The following STS variants were observed in gnomAD, a reference collection of about 807,000 sequenced individuals.
STS encodes steroid sulfatase, also known as steryl-sulfatase.
A neutral mutation model predicts 26.8 loss-of-function variants in STS; 7 were observed. The observed-to-expected ratio is 0.26, with a 90% CI of 0.15 to 0.49. The LOEUF (loss-of-function observed/expected upper bound fraction) is 0.49. Ranked by LOEUF, STS falls within the 20% of genes least tolerant of loss-of-function variation. The probability of loss-of-function intolerance (pLI) is 0.98; values close to 1 mark genes in which losing one functional copy is unlikely to be tolerated. For synonymous variants in STS, 199 were observed against 189.4 expected (o/e 1.05, Z -0.42); for missense variants, 434 against 465.6 (o/e 0.93, Z 0.63).
intron 8 of STS, 28 bp from the exon 9 acceptor site, chrX:7,325,311 G>T (rs368398768): frequency 2.5e-5 from 30 of 1,206,472 alleles, no homozygotes; most frequent in Admixed American, 6.6e-5. Flanking sequence ...TCTCCCTGTT[G>T]CCTCTTACCT....
At chrX:7,237,213 C>A (rs865881419) in intron 2 of STS, among the ~76,000 whole-genome samples, 157 of 77,838 alleles carry the variant, frequency 2.0e-3, no homozygotes, top group Non-Finnish European at 2.4e-3. Flanking sequence ...AAGATTTGCT[C>A]AAAAAAAAAA....
At position 7,257,438 on chromosome X, in the gene STS, C is replaced by G. The variant is rs767155556; in HGVS notation, c.260-28C>G. The G allele has an allele frequency of 2.1e-5, 25 of 1,210,928 alleles. No individual in the cohort carries two copies. The South Asian group carries it at 4.2e-4, about 20-fold the overall frequency. On this transcript the variant is annotated intron_variant, in intron 4 of 10. Coordinates refer to ENST00000674429, the MANE Select transcript of STS (RefSeq NM_001320752.2). ...TCCCACCTCGAGGTATCTCCTGGTTCCTAAGGGTTGATTTTTTCCTGGTCC... is the reference window on the plus strand; with the variant it reads ...TCCCACCTCGAGGTATCTCCTGGTTGCTAAGGGTTGATTTTTTCCTGGTCC...
At chrX:7,158,178 T>C (rs1175616630) in intron 1 of STS, among the ~76,000 whole-genome samples, 1 of 111,979 alleles carries the variant, frequency 8.9e-6, no homozygotes, top group African/African-American at 3.2e-5. Context: ...TGATATTTGA[T>C]TGTGCATCTC....
intron 1 of STS, among the ~76,000 whole-genome samples, chrX:7,148,776 A>G (rs1308581087): frequency 8.9e-6 from 1 of 112,379 alleles, no homozygotes; most frequent in African/African-American, 3.2e-5. Flanking sequence ...TGAGCATCCC[A>G]GGCTGGTGCA....
chrX:7,148,038 C>T lies in STS; in HGVS notation c.-179C>T, dbSNP rs1932914445. The T allele has an allele frequency of 1.8e-6, 2 of 1,132,109 alleles. No homozygotes were observed. Among genetic ancestry groups the T allele is most frequent in the Non-Finnish European group, 1.2e-6 (1 of 851,884 alleles). The allele number at this position is 1,132,109 out of a possible 1,213,427, so 93.3% of individuals were successfully genotyped here. A position where few individuals can be genotyped will look rare whatever the true frequency, so the allele number is the denominator to read the frequency against. On this transcript the variant is annotated 5_prime_UTR_variant, in exon 1 of 11. Coordinates refer to ENST00000674429, the MANE Select transcript of STS (RefSeq NM_001320752.2). ...AGACCGCCCTTACTGGAGGCGGCGGCTGCACACTACCCACCCAGAAGAAGT... is the reference window on the plus strand; with the variant it reads ...AGACCGCCCTTACTGGAGGCGGCGGTTGCACACTACCCACCCAGAAGAAGT...
chrX:7,299,746 TG>T (rs1308454412), intron 7 of STS, among the ~76,000 whole-genome samples: 3 of 110,802 alleles, frequency 2.7e-5, no homozygotes, highest in African/African-American at 9.8e-5. Context: ...TGAAGTGTTT[TG>T]GGTGGAATTC....
intron 1 of STS, among the ~76,000 whole-genome samples, chrX:7,156,871 G>A (rs765488911): frequency 1.1e-4 from 12 of 111,906 alleles, no homozygotes; most frequent in Non-Finnish European, 2.3e-4. Flanking sequence ...GAATTCTGGG[G>A]TTTTCCACAT....
chrX:7,240,493 ATG>A lies in STS; in HGVS notation c.-4-12663_-4-12662del, dbSNP rs374194610. Among the ~76,000 whole-genome samples, 462 of 72,477 alleles carry A rather than the reference ATG, an allele frequency of 6.4e-3. 1 individual carries two copies. The highest frequency in any genetic ancestry group is 8.8e-3 in the South Asian group (8 of 913). The allele number at this position is 72,477 out of a possible 115,157, so 62.9% of individuals were successfully genotyped here. A position where few individuals can be genotyped will look rare whatever the true frequency, so the allele number is the denominator to read the frequency against. ...CACACACACACACACACAGATATGT[ATG>A]TGTGTGTGTGTGTGTGTGTGTGTGT... On this transcript the variant is annotated intron_variant, in intron 2 of 10. Transcript: ENST00000674429.
chrX:7,330,084 T>A (rs1927673803), intron 9 of STS, among the ~76,000 whole-genome samples: 1 of 111,713 alleles, frequency 9.0e-6, no homozygotes, highest in Non-Finnish European at 1.9e-5. Flanking sequence ...GAAATTTCAG[T>A]GTCCATCACC....
At chrX:7,190,284 G>A (rs1008856972) in intron 1 of STS, among the ~76,000 whole-genome samples, 4 of 109,625 alleles carry the variant, frequency 3.6e-5, no homozygotes, top group African/African-American at 6.7e-5. Context: ...TAGATCTCTC[G>A]CATTTGCAGT....
At chrX:7,239,110 C>T (rs904226533) in intron 2 of STS, among the ~76,000 whole-genome samples, 6 of 111,153 alleles carry the variant, frequency 5.4e-5, no homozygotes, top group Non-Finnish European at 9.4e-5. Flanking sequence ...GTTGTATAGT[C>T]GATAGAAACA....
intron 1 of STS, among the ~76,000 whole-genome samples, chrX:7,165,394 G>C (rs1933329487): frequency 9.0e-6 from 1 of 111,183 alleles, no homozygotes; most frequent in Admixed American, 9.7e-5. Flanking sequence ...CACATCTATA[G>C]TCACAATGTG....
Position 7,259,726 on chromosome X carries a change from A to C in STS, c.760A>C (p.Asn254His), listed in dbSNP as rs778658056. The part of the protein sequence containing the change: ...EIIQQPMSYD[N>H]LTQRLTVEAA... ...CATTCAGCAGCCCATGTCCTATGAC[A>C]ATCTCACCCAGAGGCTAACGGTGGA... The change falls in exon 6 of 11, where the codon AAT (asparagine) becomes CAT (histidine). Residue 254 changes from asparagine (N) to histidine (H), a missense_variant. By Grantham distance (68) the Asn-to-His change is moderately conservative. Transcript: ENST00000674429. 1 of 1,211,241 alleles carries C rather than the reference A, an allele frequency of 8.3e-7. No individual in the cohort carries two copies. The highest frequency in any genetic ancestry group is 3.0e-5 in the East Asian group (1 of 33,820).
At chrX:7,205,415 G>A (rs1161226317) in intron 2 of STS, among the ~76,000 whole-genome samples, 4 of 111,441 alleles carry the variant, frequency 3.6e-5, no homozygotes, top group Admixed American at 9.5e-5. Flanking sequence ...AATTAGGCAT[G>A]AAGGCTTTCT....
intron 7 of STS, among the ~76,000 whole-genome samples, chrX:7,284,754 A>C (rs1466583086): frequency 8.9e-6 from 1 of 112,259 alleles, no homozygotes; most frequent in Non-Finnish European, 1.9e-5. Flanking sequence ...TTTCATGTAA[A>C]ATGTAAATGT....
chrX:7,333,559 C>T (rs973107028), intron 9 of STS, among the ~76,000 whole-genome samples: 1 of 112,080 alleles, frequency 8.9e-6, no homozygotes, highest in Non-Finnish European at 1.9e-5. Context: ...GTCAGGTGCC[C>T]ATCTTTTCAG....
At chrX:7,169,641 A>T (rs902329926) in intron 1 of STS, among the ~76,000 whole-genome samples, 1 of 112,116 alleles carries the variant, frequency 8.9e-6, no homozygotes, top group Non-Finnish European at 1.9e-5. Context: ...TTAGTTTTAA[A>T]GTCCTCACAT....
At chrX:7,278,676 G>A (rs1426581449) in intron 7 of STS, among the ~76,000 whole-genome samples, 1 of 111,801 alleles carries the variant, frequency 8.9e-6, no homozygotes, top group Non-Finnish European at 1.9e-5. Flanking sequence ...TGCAGAAGGG[G>A]CTTCTCAGTA....
intron 2 of STS, among the ~76,000 whole-genome samples, chrX:7,196,482 G>A (rs1168706690): frequency 3.9e-5 from 4 of 102,803 alleles, no homozygotes; most frequent in South Asian, 5.0e-4. Flanking sequence ...GTGGGGTGAC[G>A]TATTCTTGTC....
Sources: allele counts gnomAD v4.1 joint callset (sites outside exome capture counted in the v4.1 genomes callset), GRCh38; gene constraint gnomAD v4.1.1; transcripts MANE v1.5; gene names NCBI Gene and HGNC (gene_info 2026-07-23, HGNC 2026-07-21).